Variants in ZNF827 observed in about 807,000 individuals in gnomAD.
ZNF827 encodes zinc finger protein 827.
Under a neutral mutation model 102.4 loss-of-function variants are expected in ZNF827, and 13 were observed. That is an observed-to-expected ratio of 0.13 (90% CI 0.08 to 0.20). ZNF827 has a LOEUF of 0.20. Ranked by LOEUF, ZNF827 falls within the 10% of genes least tolerant of loss-of-function variation. ZNF827 has a pLI of 1.00. For missense variants in ZNF827, 1,103 were observed against 1,344.4 expected (o/e 0.82, Z 2.81); for synonymous variants, 523 against 536.2 (o/e 0.98, Z 0.34).
At chr4:145,855,840 G>C (rs543813185) in intron 5 of ZNF827, among the ~76,000 whole-genome samples, 8 of 152,276 alleles carry the variant, frequency 5.3e-5, no homozygotes, top group Admixed American at 2.0e-4. Context: ...TAGGTACCCA[G>C]TGCAATGGAG....
intron 7 of ZNF827, among the ~76,000 whole-genome samples, chr4:145,834,608 G>T (rs1026541093): frequency 6.6e-6 from 1 of 152,082 alleles, no homozygotes. Context: ...GCATAGTCAA[G>T]GTTAATGCTC....
Position 145,760,890 on chromosome 4 carries a change from C to G in ZNF827, c.*726G>C. 1 of 1,229,710 alleles carries G rather than the reference C, an allele frequency of 8.1e-7. No homozygotes were observed. Among genetic ancestry groups the G allele is most frequent in the South Asian group, 1.4e-5 (1 of 70,170 alleles). The allele number at this position is 1,229,710 out of a possible 1,614,324, so 76.2% of individuals were successfully genotyped here. A position where few individuals can be genotyped will look rare whatever the true frequency, so the allele number is the denominator to read the frequency against. ...GTCGGGGAGGGTGGAATGTGAGATC[C>G]AAGTGGTTCTTGGGGTATAACATTG... is the stretch of plus-strand genomic sequence containing the variant. On this transcript the variant is annotated 3_prime_UTR_variant, in exon 15 of 15. Coordinates refer to ENST00000508784, the MANE Select transcript of ZNF827 (RefSeq NM_001306215.2).
Position 145,774,683 on chromosome 4 carries a change from G to T in ZNF827, c.2694-11C>A. The T allele has an allele frequency of 6.2e-7, 1 of 1,610,480 alleles. No homozygotes were observed. The highest frequency in any genetic ancestry group is 8.5e-7 in the Non-Finnish European group (1 of 1,177,608). ...CCACACACGTGACAACTACATGAAA[G>T]GGTAAAAGAAAAGAGGGGGAGAGAA... On this transcript the variant is annotated splice_polypyrimidine_tract_variant and intron_variant, in intron 10 of 14. Coordinates refer to ENST00000508784, the MANE Select transcript of ZNF827 (RefSeq NM_001306215.2).
At chr4:145,789,302 C>A (rs1219791873) in intron 8 of ZNF827, among the ~76,000 whole-genome samples, 1 of 152,100 alleles carries the variant, frequency 6.6e-6, no homozygotes, top group African/African-American at 2.4e-5. Context: ...AACATGATTC[C>A]AACAGATAAA....
intron 13 of ZNF827, among the ~76,000 whole-genome samples, chr4:145,764,010 C>T (rs1464994181): frequency 6.6e-6 from 1 of 152,190 alleles, no homozygotes; most frequent in Non-Finnish European, 1.5e-5. Flanking sequence ...TCTTTTCCAT[C>T]TCTCCCTTCC....
chr4:145,892,203 T>C (rs1750659179), intron 3 of ZNF827, 40 bp downstream of exon 3: 4 of 1,573,274 alleles, frequency 2.5e-6, no homozygotes, highest in Middle Eastern at 1.8e-4. Context: ...GCCCTGGCTG[T>C]GCCTGCCTCT....
intron 1 of ZNF827, among the ~76,000 whole-genome samples, chr4:145,936,189 C>A (rs927352866): frequency 1.3e-5 from 2 of 151,946 alleles, no homozygotes; most frequent in Non-Finnish European, 2.9e-5. Flanking sequence ...CACACGCCCC[C>A]GACAAGAGCC....
chr4:145,784,708 G>A (rs1191840174), intron 8 of ZNF827, among the ~76,000 whole-genome samples: 1 of 152,146 alleles, frequency 6.6e-6, no homozygotes, highest in African/African-American at 2.4e-5. Context: ...AAACAGCTTG[G>A]AATATGGGTA....
At chr4:145,837,727 C>T (rs1388075666) in intron 7 of ZNF827, among the ~76,000 whole-genome samples, 1 of 152,192 alleles carries the variant, frequency 6.6e-6, no homozygotes, top group Non-Finnish European at 1.5e-5. Flanking sequence ...CCTGAGTCAT[C>T]CCAATTCTTA....
chr4:145,768,010 T>A (rs1358918958), intron 11 of ZNF827, among the ~76,000 whole-genome samples: 1 of 152,154 alleles, frequency 6.6e-6, no homozygotes, highest in Non-Finnish European at 1.5e-5. Flanking sequence ...TAAACAAAAA[T>A]AACTGTTTTG....
chr4:145,842,762 G>A lies in ZNF827; in HGVS notation c.2279+3194C>T, dbSNP rs528483151. On this transcript the variant is annotated intron_variant, in intron 7 of 14. Transcript: ENST00000508784. ...GTGCTCAGGCCTGCCCTTTACAAAC[G>A]AAACTACCTTAAATATACCTAGCTA... Among the ~76,000 whole-genome samples, 16 of 152,254 alleles carry A rather than the reference G, an allele frequency of 1.1e-4. No homozygotes were observed. The East Asian group carries it at 1.2e-3, about 11-fold the overall frequency.
chr4:145,848,759 C>A (rs1192943991), intron 6 of ZNF827, among the ~76,000 whole-genome samples: 1 of 152,176 alleles, frequency 6.6e-6, no homozygotes, highest in Admixed American at 6.5e-5. Flanking sequence ...GTAATTACTG[C>A]ACTTTTCAAT....
Position 145,802,275 on chromosome 4 carries a change from A to G in ZNF827, c.2383+21147T>C, listed in dbSNP as rs143813354. 2.0e-3 allele frequency among the ~76,000 whole-genome samples: 305 copies of G among 152,364 alleles called. 1 individual carries two copies. The highest frequency in any genetic ancestry group is 7.0e-3 in the African/African-American group (290 of 41,570). ...GAGATTCACTCAAATGTAAAACACC[A>G]TTACTTTCTCTTTCCACTCAGATAC... On this transcript the variant is annotated intron_variant, in intron 8 of 14. Coordinates refer to ENST00000508784, the MANE Select transcript of ZNF827 (RefSeq NM_001306215.2).
At chr4:145,849,269 G>C in intron 6 of ZNF827, 53 bp downstream of exon 6, 1 of 1,585,462 alleles carries the variant, frequency 6.3e-7, no homozygotes, top group Non-Finnish European at 8.6e-7. Context: ...GTGTTAGAAG[G>C]GTTTTCCTTC....
intron 2 of ZNF827, among the ~76,000 whole-genome samples, chr4:145,897,918 C>T (rs1395526065): frequency 2.0e-5 from 3 of 152,086 alleles, no homozygotes; most frequent in Non-Finnish European, 4.4e-5. Flanking sequence ...ACTTTGGGGG[C>T]CTGAGTAGGG....
At chr4:145,831,020 A>C (rs1744156566) in intron 7 of ZNF827, 1 of 152,232 alleles carries the variant, frequency 6.6e-6, no homozygotes, top group African/African-American at 2.4e-5. Context: ...TTGAAAAGGT[A>C]ATCTATAATG....
rs763738423 is a variant in ZNF827 at position 145,764,994 on chromosome 4, C to G, written c.3224G>C (p.Gly1075Ala). The G allele has an allele frequency of 7.4e-6, 12 of 1,612,242 alleles. No individual in the cohort carries two copies. The highest frequency in any genetic ancestry group is 1.0e-5 in the Non-Finnish European group (12 of 1,179,134). ...HKKCHTVPTG[G>A]LNSGQW is the part of the protein sequence containing the mutation. ...CTGTACTTGCTTTCCTTACTTGAGC[C>G]CACCGGTGGGGACAGTGTGGCATTT... Residue 1075 changes from glycine to alanine, a missense_variant, in exon 13 of 15, where the codon GGG becomes GCG. Gly to Ala is a moderately conservative substitution (Grantham distance 60, BLOSUM62 0). Around this residue, in one of 5 missense-constraint regions of ZNF827, gnomAD observed 242 missense variants for 361.9 expected, o/e 0.67. Transcript: ENST00000508784.
intron 1 of ZNF827, among the ~76,000 whole-genome samples, chr4:145,916,562 T>C (rs1752681612): frequency 6.6e-6 from 1 of 152,202 alleles, no homozygotes; most frequent in Admixed American, 6.5e-5. Flanking sequence ...CATTCTCTCA[T>C]CGTCCTTTGG....
rs775706430 is a variant in ZNF827, at chr4:145,913,425, CAAAAAA to C, written c.44-10216_44-10211del. Among the ~76,000 whole-genome samples the C allele has an allele frequency of 1.4e-3, 105 of 73,332 alleles. 1 individual carries two copies. The highest frequency in any genetic ancestry group is 5.0e-3 in the African/African-American group (97 of 19,430). The allele number at this position is 73,332 out of a possible 152,430, so 48.1% of individuals were successfully genotyped here. ...TGGGCAACAGAGTGAGACCCTGTCT[CAAAAAA>C]AAAAAAAAAAAAAAAAGACATTACC... On this transcript the variant is annotated intron_variant, in intron 1 of 14. Transcript: ENST00000508784.
Sources: allele counts gnomAD v4.1 joint callset (sites outside exome capture counted in the v4.1 genomes callset), GRCh38; gene constraint gnomAD v4.1.1; regional missense constraint gnomAD v4.1.1; transcripts MANE v1.5; gene names NCBI Gene and HGNC (gene_info 2026-07-23, HGNC 2026-07-21).